Variants in NLRP4 observed in about 807,000 individuals in gnomAD.
NLRP4 encodes the protein NLR family pyrin domain containing 4.
NLRP4 carries 44 observed loss-of-function variants against 84.7 expected under a neutral mutation model. That is an observed-to-expected ratio of 0.52 (90% CI 0.41 to 0.67). NLRP4 has a LOEUF of 0.67. Ranked by LOEUF, NLRP4 falls within the 30% of genes least tolerant of loss-of-function variation. The pLI, the probability that NLRP4 is intolerant of heterozygous loss-of-function variation, is 0.00. For missense variants in NLRP4, 1,260 were observed against 1,219.4 expected (o/e 1.03, Z -0.50); for synonymous variants, 544 against 476.4 (o/e 1.14, Z -1.85).
intron 9 of NLRP4, among the ~76,000 whole-genome samples, chr19:55,881,015 C>G (rs1462150492): frequency 6.6e-6 from 1 of 152,216 alleles, no homozygotes; most frequent in Non-Finnish European, 1.5e-5. Context: ...CTAACTCCCA[C>G]TGACTTCTTG....
chr19:55,856,726 G>A (rs940396927), intron 2 of NLRP4, among the ~76,000 whole-genome samples: 1 of 152,012 alleles, frequency 6.6e-6, no homozygotes, highest in African/African-American at 2.4e-5. Flanking sequence ...ATGTTGGCCA[G>A]GATGGTCTTG....
intron 2 of NLRP4, chr19:55,857,454 G>A (rs1984485355): frequency 3.5e-6 from 2 of 574,896 alleles, no homozygotes; most frequent in Non-Finnish European, 6.1e-6. Flanking sequence ...TAGCTGTTCA[G>A]CTCTGCTATT....
chr19:55,850,168 T>A (rs866819816), intron 1 of NLRP4, among the ~76,000 whole-genome samples: 9 of 133,642 alleles, frequency 6.7e-5, no homozygotes, highest in Non-Finnish European at 1.1e-4. Flanking sequence ...CGGTGTAATT[T>A]CCGTGGCTGC....
At chr19:55,866,275 G>T (rs563901971) in intron 5 of NLRP4, among the ~76,000 whole-genome samples, 2 of 152,042 alleles carry the variant, frequency 1.3e-5, no homozygotes, top group African/African-American at 4.8e-5. Flanking sequence ...CTCATGTTCC[G>T]CCCTCCTTGG....
intron 2 of NLRP4, among the ~76,000 whole-genome samples, chr19:55,853,254 G>A (rs1378228762): frequency 1.3e-5 from 2 of 152,196 alleles, no homozygotes; most frequent in South Asian, 4.1e-4. Context: ...CCTGGATGTG[G>A]CTTTGTTTTC....
At chr19:55,859,926 CAAAAA>C (rs1166037425) in intron 3 of NLRP4, among the ~76,000 whole-genome samples, 4 of 17,494 alleles carry the variant, frequency 2.3e-4, no homozygotes, top group Admixed American at 8.8e-4. Flanking sequence ...CTCTCATCTC[CAAAAA>C]AAAAAAAAAA....
At chr19:55,872,727 CACTT>C (rs1293241130) in intron 7 of NLRP4, among the ~76,000 whole-genome samples, 2 of 152,154 alleles carry the variant, frequency 1.3e-5, no homozygotes, top group Admixed American at 6.6e-5. Flanking sequence ...TGTTCTAACA[CACTT>C]ACTGGGAATC....
chr19:55,842,967 G>A (rs1175153196), intron 1 of NLRP4, among the ~76,000 whole-genome samples: 2 of 151,032 alleles, frequency 1.3e-5, no homozygotes, highest in African/African-American at 4.8e-5. Flanking sequence ...CACCGTGTTA[G>A]CCAGGATGGT....
chr19:55,863,325 T>G (rs1403425663), intron 5 of NLRP4, among the ~76,000 whole-genome samples: 3 of 152,172 alleles, frequency 2.0e-5, no homozygotes, highest in Admixed American at 1.3e-4. Flanking sequence ...TACCTGAGAC[T>G]GGGAATTTAT....
chr19:55,856,030 A>G (rs144122290), intron 2 of NLRP4, among the ~76,000 whole-genome samples: 107 of 152,294 alleles, frequency 7.0e-4, no homozygotes, highest in African/African-American at 2.4e-3. Context: ...GTCTCGCTCT[A>G]TTGCCAGGGC....
At chr19:55,855,636 A>G (rs1162654706) in intron 2 of NLRP4, among the ~76,000 whole-genome samples, 1 of 152,328 alleles carries the variant, frequency 6.6e-6, no homozygotes, top group East Asian at 1.9e-4. Context: ...GCATCCAATC[A>G]AATCCAGTAA....
chr19:55,849,809 C>CG lies in NLRP4; in HGVS notation c.-65-2207_-65-2206insG, dbSNP rs1568657796. ...ATTTCCAAAGCTGCGGTGTAATTTCCAAAGCTGCGGTGTAATTTCCGAAGC... is the reference window on the plus strand; with the variant it reads ...ATTTCCAAAGCTGCGGTGTAATTTCCGAAAGCTGCGGTGTAATTTCCGAAGC... On this transcript the variant is annotated intron_variant, in intron 1 of 9. Transcript: ENST00000301295. 1.5e-4 allele frequency among the ~76,000 whole-genome samples: 23 copies of CG among 149,746 alleles called. 1 individual carries two copies. The highest frequency in any genetic ancestry group is 5.6e-4 in the African/African-American group (22 of 39,304).
At chr19:55,871,852 T>C (rs1051220250) in intron 7 of NLRP4, among the ~76,000 whole-genome samples, 3 of 151,682 alleles carry the variant, frequency 2.0e-5, no homozygotes, top group Non-Finnish European at 4.4e-5. Context: ...TAATCTTTTT[T>C]TTTTTTTTTT....
At chr19:55,859,392 A>G (rs9284431) in intron 3 of NLRP4, 143 bp downstream of exon 3, 244,753 of 632,202 alleles carry the variant, frequency 0.39, 53,029 homozygotes, top group African/African-American at 0.75. Context: ...ATCCTGGCCC[A>G]ACATTTTAGG....
In NLRP4 at chr19:55,858,023, T is replaced by G. The variant is rs1440240320; in HGVS notation, c.630T>G (p.Pro210=). 19 of 1,614,092 alleles carry G rather than the reference T, an allele frequency of 1.2e-5. No homozygotes were observed. The Admixed American group carries it at 3.2e-4, about 27-fold the overall frequency. Residue 210 remains proline, a synonymous_variant, in exon 3 of 10, where the codon CCT becomes CCG. Transcript: ENST00000301295. The surrounding 1 kb of genome is among the most constrained non-coding windows in gnomAD (Gnocchi z 4.2). ...CTGACTTGATTTCCAGAGAGTGGCC[T>G]GACCCCGCTGCTCCTATAACAGAGA... The part of the protein sequence containing the change: ...SLADLISREW[P]DPAAPITEIV...
rs751030692 is a variant in NLRP4 at position 55,858,628 on chromosome 19, T to C, written c.1235T>C (p.Phe412Ser). 6.2e-7 allele frequency: 1 copy of C among 1,614,056 alleles called. No individual in the cohort carries two copies. Among genetic ancestry groups the C allele is most frequent in the South Asian group, 1.1e-5 (1 of 91,068 alleles). Residue 412 changes from phenylalanine to serine, a missense_variant, in exon 3 of 10, where the codon TTT (phenylalanine) becomes TCT (serine). By Grantham distance (155) the Phe-to-Ser change is radical. Transcript: ENST00000301295. The surrounding 1 kb of genome is among the most constrained non-coding windows in gnomAD (Gnocchi z 4.2). ...LAAEGMWTDT[F>S]EFCEDDLRRN... ...GCAGAGGGTATGTGGACAGACACAT[T>C]TGAGTTTTGTGAAGACGACCTCCGG...
At chr19:55,872,286 G>A (rs892729551) in intron 7 of NLRP4, among the ~76,000 whole-genome samples, 46 of 152,096 alleles carry the variant, frequency 3.0e-4, no homozygotes, top group South Asian at 1.0e-3. Context: ...AGAGCAAATT[G>A]TCTCAGGAGG....
At chr19:55,879,025 G>A in intron 9 of NLRP4, 61 bp downstream of exon 9, 5 of 1,293,352 alleles carry the variant, frequency 3.9e-6, no homozygotes, top group South Asian at 1.3e-5. Flanking sequence ...GGGATTGGCT[G>A]GGACCTGCAG....
At chr19:55,843,695 A>T (rs77215822) in intron 1 of NLRP4, among the ~76,000 whole-genome samples, 1 of 152,040 alleles carries the variant, frequency 6.6e-6, no homozygotes. Context: ...TGTCTCAATT[A>T]AAAAAATTAT....
Sources: gnomAD v4.1 joint callset for allele counts (sites outside exome capture counted in the v4.1 genomes callset) on GRCh38, gnomAD v4.1.1 for gene constraint, Gnocchi (gnomAD v3.1) non-coding constraint, MANE v1.5 for transcripts, NCBI Gene and HGNC (gene_info 2026-07-23, HGNC 2026-07-21) for gene names.